The following USP17L2 variants were observed in gnomAD, a reference collection of about 807,000 sequenced individuals.
The protein encoded by USP17L2 is ubiquitin carboxyl-terminal hydrolase 17.
A neutral mutation model predicts 39.8 loss-of-function variants in USP17L2; 29 were observed. That is an observed-to-expected ratio of 0.73 (90% CI 0.54 to 0.99). USP17L2 has a LOEUF of 0.99. Ranked by LOEUF, USP17L2 falls within the 50% of genes least tolerant of loss-of-function variation. The probability of loss-of-function intolerance (pLI) is 0.00; values close to 1 mark genes in which losing one functional copy is unlikely to be tolerated. For synonymous variants in USP17L2, 231 were observed against 252.7 expected (o/e 0.91, Z 0.81); for missense variants, 567 against 647.2 (o/e 0.88, Z 1.35).
Position 12,137,087 on chromosome 8 carries a change from T to C in USP17L2, c.*81A>G, listed in dbSNP as rs1803255559. The C allele has an allele frequency of 1.4e-6, 2 of 1,397,086 alleles. No homozygotes were observed. The highest frequency in any genetic ancestry group is 1.5e-5 in the African/African-American group (1 of 64,822). The allele number at this position is 1,397,086 out of a possible 1,614,324, so 86.5% of individuals were successfully genotyped here. On this transcript the variant is annotated 3_prime_UTR_variant, in exon 1 of 1. Transcript: ENST00000333796. ...TTCGTGTTTGTGTGTGTGTGTGTGT[T>C]TGCGTGCGCGCTTGTGGGTGTATTT...
In USP17L2 at chr8:12,138,833, G is replaced by A. The variant is rs1803388077; in HGVS notation, c.-73C>T. 2 of 980,556 alleles carry A rather than the reference G, an allele frequency of 2.0e-6. No individual in the cohort carries two copies. The highest frequency in any genetic ancestry group is 1.7e-5 in the African/African-American group (1 of 58,422). 60.7% of individuals were successfully genotyped at this position (980,556 alleles called of 1,614,324 possible). A position where few individuals can be genotyped will look rare whatever the true frequency, so the allele number is the denominator to read the frequency against. On this transcript the variant is annotated 5_prime_UTR_variant, in exon 1 of 1. Coordinates refer to ENST00000333796, the MANE Select transcript of USP17L2 (RefSeq NM_201402.3). ...TGCAGCAAGACGCTATCTCTTCCAA[G>A]AGAGTCTTCAAATGACGAGCTCTCT...
chr8:12,137,232 C>A lies in USP17L2; in HGVS notation c.1529G>T (p.Gly510Val). ...CTTCCCTTTGGATCTCCTGGTCCTC[C>A]CTTGCAGAGAAGCGAGGGTGCCAGT... Reference protein sequence around the residue: ...VNTGTLASLQGRTRRSKGKNK... With the variant: ...VNTGTLASLQVRTRRSKGKNK... Residue 510 changes from glycine to valine, a missense_variant, in exon 1 of 1, where the codon GGG becomes GTG. Coordinates refer to ENST00000333796, the MANE Select transcript of USP17L2 (RefSeq NM_201402.3). 1 of 1,530,718 alleles carries A rather than the reference C, an allele frequency of 6.5e-7. No homozygotes were observed. Among genetic ancestry groups the A allele is most frequent in the East Asian group, 2.6e-5 (1 of 38,178 alleles). The allele number at this position is 1,530,718 out of a possible 1,614,324, so 94.8% of individuals were successfully genotyped here.
At position 12,137,576 on chromosome 8, in the gene USP17L2, G is replaced by A. The variant is rs779644781; in HGVS notation, c.1185C>T (p.Gly395=). The change falls in exon 1 of 1, where the codon GGC becomes GGT. Residue 395 remains glycine (G), a synonymous_variant. Transcript: ENST00000333796. ...VSRGREPRAL[G]AEDTDRRATQ... is the part of the protein sequence containing the mutation. ...TTGCTCGCCTGTCTGTGTCTTCAGC[G>A]CCGAGGGCTCTTGGTTCCCTGCCTC... 268 of 1,530,704 alleles carry A rather than the reference G, an allele frequency of 1.8e-4. 41 individuals carry two copies. The highest frequency in any genetic ancestry group is 7.1e-4 in the South Asian group (58 of 81,224). 94.8% of individuals were successfully genotyped at this position (1,530,704 alleles called of 1,614,324 possible). A position where few individuals can be genotyped will look rare whatever the true frequency, so the allele number is the denominator to read the frequency against.
In USP17L2 at chr8:12,136,812, G is replaced by A. The variant is rs1803239595; in HGVS notation, c.*356C>T. On this transcript the variant is annotated 3_prime_UTR_variant, in exon 1 of 1. Coordinates refer to ENST00000333796, the MANE Select transcript of USP17L2 (RefSeq NM_201402.3). ...ACCCCAAGAGAAAATAGGAAACCGA[G>A]TCCCCTGCAATAACCTCACACTCAA... Among the ~76,000 whole-genome samples the A allele has an allele frequency of 7.1e-6, 1 of 140,554 alleles. No homozygotes were observed. Among genetic ancestry groups the A allele is most frequent in the African/African-American group, 2.7e-5 (1 of 37,276 alleles). 92.2% of individuals were successfully genotyped at this position (140,554 alleles called of 152,430 possible).
At chr8:12,137,720 A>C in the USP17L2 span, 1 of 1,531,694 alleles carries the variant, frequency 6.5e-7, no homozygotes, top group Non-Finnish European at 8.8e-7. Context: ...CATCCATTTT[A>C]TACCACTGGC....
rs1803294213 is a variant in USP17L2, at chr8:12,137,605, A to T, written c.1156T>A (p.Ser386Thr). Residue 386 changes from serine to threonine, a missense_variant, in exon 1 of 1, where the codon TCA becomes ACA. By Grantham distance (58) the Ser-to-Thr change is moderately conservative (BLOSUM62 1). This residue lies in a region of USP17L2 where 304 missense variants were observed against 254.7 expected (regional missense o/e 1.19). Coordinates refer to ENST00000333796, the MANE Select transcript of USP17L2 (RefSeq NM_201402.3). ...AGGGCTCTTGGTTCCCTGCCTCTTGACACACTCTCACTGTGTCTTTCCCAT... is the reference window on the plus strand; with the variant it reads ...AGGGCTCTTGGTTCCCTGCCTCTTGTCACACTCTCACTGTGTCTTTCCCAT... ...SEWERHSESV[S>T]RGREPRALGA... 1 of 1,520,804 alleles carries T rather than the reference A, an allele frequency of 6.6e-7. No homozygotes were observed. The highest frequency in any genetic ancestry group is 1.2e-5 in the South Asian group (1 of 80,976). 94.2% of individuals were successfully genotyped at this position (1,520,804 alleles called of 1,614,324 possible).
In USP17L2 at chr8:12,136,985, A is replaced by G. The variant is rs547457226; in HGVS notation, c.*183T>C. On this transcript the variant is annotated 3_prime_UTR_variant, in exon 1 of 1. Coordinates refer to ENST00000333796, the MANE Select transcript of USP17L2 (RefSeq NM_201402.3). ...CATGTGTGGGCTCATCCTGAGATGC[A>G]GCCATCACTATCCAGTTGTCCCTGT... is the stretch of plus-strand genomic sequence containing the variant. 7.1e-6 allele frequency among the ~76,000 whole-genome samples: 1 copy of G among 140,976 alleles called. No homozygotes were observed. The highest frequency in any genetic ancestry group is 1.5e-5 in the Non-Finnish European group (1 of 64,960). The allele number at this position is 140,976 out of a possible 152,430, so 92.5% of individuals were successfully genotyped here. A position where few individuals can be genotyped will look rare whatever the true frequency, so the allele number is the denominator to read the frequency against.
chr8:12,137,674 G>T lies in USP17L2; in HGVS notation c.1087C>A (p.Leu363Met), dbSNP rs201947742. 10 of 1,533,064 alleles carry T rather than the reference G, an allele frequency of 6.5e-6. No homozygotes were observed. The African/African-American group carries it at 1.5e-4, about 22-fold the overall frequency. The allele number at this position is 1,533,064 out of a possible 1,614,324, so 95.0% of individuals were successfully genotyped here. ...KVTACSITSVLSQQAYVLFYI... is the reference protein window; with the variant it reads ...KVTACSITSVMSQQAYVLFYI... The stretch of plus-strand genomic sequence containing the variant: ...AAGAGGACATAGGCCTGTTGACTCA[G>T]GACAGAAGTGATGCTACAGGCAGTG... The change falls in exon 1 of 1, where the codon CTG becomes ATG. Residue 363 changes from leucine (L) to methionine (M), a missense_variant. This residue lies in a region of USP17L2 where 304 missense variants were observed against 254.7 expected (regional missense o/e 1.19). Transcript: ENST00000333796.
Position 12,138,448 on chromosome 8 carries a change from C to G in USP17L2, c.313G>C (p.Ala105Pro). ...LQCLTYTPPL[A>P]NYMLSREHSQ... The stretch of plus-strand genomic sequence containing the variant: ...TGCTCCCGGGACAGCATGTAGTTGG[C>G]AAGGGGCGGTGTGTATGTCAGGCAC... Residue 105 changes from alanine (A) to proline (P), a missense_variant, in exon 1 of 1, where the codon GCC becomes CCC. Around this residue, in one of 6 missense-constraint regions of USP17L2, gnomAD observed 67 missense variants for 122.8 expected, o/e 0.55. Coordinates refer to ENST00000333796, the MANE Select transcript of USP17L2 (RefSeq NM_201402.3). The G allele has an allele frequency of 1.3e-6, 2 of 1,537,762 alleles. No homozygotes were observed. Among genetic ancestry groups the G allele is most frequent in the Non-Finnish European group, 1.8e-6 (2 of 1,136,130 alleles).
Position 12,137,214 on chromosome 8 carries a change from T to G in USP17L2, c.1547A>C (p.Lys516Thr). Residue 516 changes from lysine to threonine, a missense_variant, in exon 1 of 1, where the codon AAA becomes ACA. Lys to Thr is a moderately conservative substitution (Grantham distance 78). This residue lies in a region of USP17L2 where 304 missense variants were observed against 254.7 expected (regional missense o/e 1.19). Transcript: ENST00000333796. The stretch of plus-strand genomic sequence containing the variant: ...CCTCTTGCTGTGTTTGTTCTTCCCT[T>G]TGGATCTCCTGGTCCTCCCTTGCAG... ...ASLQGRTRRS[K>T]GKNKHSKRAL... The G allele has an allele frequency of 6.5e-7, 1 of 1,530,810 alleles. No individual in the cohort carries two copies. Among genetic ancestry groups the G allele is most frequent in the Non-Finnish European group, 8.8e-7 (1 of 1,135,264 alleles). The allele number at this position is 1,530,810 out of a possible 1,614,324, so 94.8% of individuals were successfully genotyped here. A position where few individuals can be genotyped will look rare whatever the true frequency, so the allele number is the denominator to read the frequency against.
rs369195548 is a variant in USP17L2, at chr8:12,137,478, G to A, written c.1283C>T (p.Ala428Val). 4.6e-6 allele frequency: 7 copies of A among 1,532,480 alleles called. No individual in the cohort carries two copies. The highest frequency in any genetic ancestry group is 5.3e-6 in the Non-Finnish European group (6 of 1,135,006). The allele number at this position is 1,532,480 out of a possible 1,614,324, so 94.9% of individuals were successfully genotyped here. A position where few individuals can be genotyped will look rare whatever the true frequency, so the allele number is the denominator to read the frequency against. Residue 428 changes from alanine to valine, a missense_variant, in exon 1 of 1, where the codon GCC (alanine) becomes GTC (valine). Transcript: ENST00000333796. ...PELDERLVERATQESTLDHWK... is the reference protein window; with the variant it reads ...PELDERLVERVTQESTLDHWK... ...GTGGTCTAAGGTGCTTTCCTGAGTG[G>A]CTCTTTCCACCAAGCGCTCGTCCAA...
chr8:12,136,949 T>C lies in USP17L2; in HGVS notation c.*219A>G, dbSNP rs1803247149. On this transcript the variant is annotated 3_prime_UTR_variant, in exon 1 of 1. Transcript: ENST00000333796. The stretch of plus-strand genomic sequence containing the variant: ...TTCGGAAGACTCACGACCCCAAAAC[T>C]TGATGTTTCCCATGTGTGGGCTCAT... Among the ~76,000 whole-genome samples the C allele has an allele frequency of 7.1e-6, 1 of 140,804 alleles. No individual in the cohort carries two copies. The highest frequency in any genetic ancestry group is 2.7e-5 in the African/African-American group (1 of 37,336). The allele number at this position is 140,804 out of a possible 152,430, so 92.4% of individuals were successfully genotyped here. A position where few individuals can be genotyped will look rare whatever the true frequency, so the allele number is the denominator to read the frequency against.
Position 12,138,484 on chromosome 8 carries a change from C to G in USP17L2, c.277G>C (p.Ala93Pro), listed in dbSNP as rs752999441. The change falls in exon 1 of 1, where the codon GCT (alanine) becomes CCT (proline). Residue 93 changes from alanine (A) to proline (P), a missense_variant. Coordinates refer to ENST00000333796, the MANE Select transcript of USP17L2 (RefSeq NM_201402.3). ...QNMGNTCYEN[A>P]SLQCLTYTPP... ...GTGTATGTCAGGCACTGCAGGGAAG[C>G]GTTCTCGTAGCAGGTATTTCCCATA... 6.5e-7 allele frequency: 1 copy of G among 1,540,558 alleles called. No homozygotes were observed. Among genetic ancestry groups the G allele is most frequent in the African/African-American group, 1.4e-5 (1 of 70,428 alleles).
the USP17L2 span, chr8:12,138,691 GA>G: frequency 6.8e-7 from 1 of 1,468,760 alleles, no homozygotes; most frequent in African/African-American, 1.5e-5. Context: ...GCATCTGGCC[GA>G]GAAGATGTGA....
rs767487911 is a variant in USP17L2, at chr8:12,137,228, C to G, written c.1533G>C (p.Arg511Ser). Reference sequence around the variant, plus strand: ...TGTTCTTCCCTTTGGATCTCCTGGTCCTCCCTTGCAGAGAAGCGAGGGTGC... The same window carrying G: ...TGTTCTTCCCTTTGGATCTCCTGGTGCTCCCTTGCAGAGAAGCGAGGGTGC... The part of the protein sequence containing the change: ...NTGTLASLQG[R>S]TRRSKGKNKH... The change falls in exon 1 of 1, where the codon AGG becomes AGC. Residue 511 changes from arginine to serine, a missense_variant. By Grantham distance (110) the Arg-to-Ser change is moderately radical. This residue lies in a region of USP17L2 where 304 missense variants were observed against 254.7 expected (regional missense o/e 1.19). Coordinates refer to ENST00000333796, the MANE Select transcript of USP17L2 (RefSeq NM_201402.3). 73 of 1,530,714 alleles carry G rather than the reference C, an allele frequency of 4.8e-5. 6 individuals are homozygous for G. The highest frequency in any genetic ancestry group is 2.4e-4 in the Middle Eastern group (1 of 4,136). The allele number at this position is 1,530,714 out of a possible 1,614,324, so 94.8% of individuals were successfully genotyped here. A position where few individuals can be genotyped will look rare whatever the true frequency, so the allele number is the denominator to read the frequency against.
chr8:12,137,216 G>T lies in USP17L2; in HGVS notation c.1545C>A (p.Ser515=), dbSNP rs1803266078. The change falls in exon 1 of 1, where the codon TCC becomes TCA. Residue 515 remains serine, a synonymous_variant. Coordinates refer to ENST00000333796, the MANE Select transcript of USP17L2 (RefSeq NM_201402.3). ...TCTTGCTGTGTTTGTTCTTCCCTTT[G>T]GATCTCCTGGTCCTCCCTTGCAGAG... ...LASLQGRTRR[S]KGKNKHSKRA... The T allele has an allele frequency of 6.5e-7, 1 of 1,530,736 alleles. No individual in the cohort carries two copies. Among genetic ancestry groups the T allele is most frequent in the African/African-American group, 1.5e-5 (1 of 67,968 alleles). 94.8% of individuals were successfully genotyped at this position (1,530,736 alleles called of 1,614,324 possible).
rs78425152 is a variant in USP17L2 at position 12,136,966 on chromosome 8, T to G, written c.*202A>C. On this transcript the variant is annotated 3_prime_UTR_variant, in exon 1 of 1. Coordinates refer to ENST00000333796, the MANE Select transcript of USP17L2 (RefSeq NM_201402.3). ...CCCAAAACTTGATGTTTCCCATGTG[T>G]GGGCTCATCCTGAGATGCAGCCATC... Among the ~76,000 whole-genome samples the G allele has an allele frequency of 2.1e-5, 3 of 140,900 alleles. No individual in the cohort carries two copies. Among genetic ancestry groups the G allele is most frequent in the African/African-American group, 8.0e-5 (3 of 37,376 alleles). The allele number at this position is 140,900 out of a possible 152,430, so 92.4% of individuals were successfully genotyped here. A position where few individuals can be genotyped will look rare whatever the true frequency, so the allele number is the denominator to read the frequency against.
rs763452336 is a variant in USP17L2 at position 12,137,932 on chromosome 8, T to A, written c.829A>T (p.Ile277Phe). 1.4e-5 allele frequency: 22 copies of A among 1,530,128 alleles called. 6 individuals are homozygous for A. The East Asian group carries it at 5.4e-4, about 37-fold the overall frequency. The allele number at this position is 1,530,128 out of a possible 1,614,324, so 94.8% of individuals were successfully genotyped here. The change falls in exon 1 of 1, where the codon ATC becomes TTC. Residue 277 changes from isoleucine (I) to phenylalanine (F), a missense_variant. By Grantham distance (21) the Ile-to-Phe change is conservative. Around this residue, in one of 6 missense-constraint regions of USP17L2, gnomAD observed 65 missense variants for 84.8 expected, o/e 0.77. Transcript: ENST00000333796. ...TCGGAGAATCTCTTCAAGACAAGGA[T>A]GAGGACCTTGGCAGAAGTGTGTAAA... Reference protein sequence around the residue: ...LTLHTSAKVLILVLKRFSDVT... With the variant: ...LTLHTSAKVLFLVLKRFSDVT...
rs762722707 is a variant in USP17L2, at chr8:12,138,623, C to A, written c.138G>T (p.Glu46Asp). ...AATCATCACAGAGGTCGACACGGGC[C>A]TCAGATGAGAGTGGTGACTTCTCAG... ...SLPEKSPLSS[E>D]ARVDLCDDLA... Residue 46 changes from glutamate to aspartate, a missense_variant, in exon 1 of 1, where the codon GAG (glutamate) becomes GAT (aspartate). By Grantham distance (45) the Glu-to-Asp change is conservative. Transcript: ENST00000333796. 3 of 1,530,414 alleles carry A rather than the reference C, an allele frequency of 2.0e-6. No homozygotes were observed. Among genetic ancestry groups the A allele is most frequent in the South Asian group, 2.5e-5 (2 of 81,294 alleles). The allele number at this position is 1,530,414 out of a possible 1,614,324, so 94.8% of individuals were successfully genotyped here.
Sources: gnomAD v4.1 joint callset for allele counts (sites outside exome capture counted in the v4.1 genomes callset) on GRCh38, gnomAD v4.1.1 for gene constraint, gnomAD v4.1.1 regional missense constraint, MANE v1.5 for transcripts, NCBI Gene and HGNC (gene_info 2026-07-23, HGNC 2026-07-21) for gene names.